The following ZNF211 variants were observed in gnomAD, a reference collection of about 807,000 sequenced individuals.
ZNF211 encodes the protein zinc finger protein 211, also known as zinc finger protein C2H2-25.
A neutral mutation model predicts 12.1 loss-of-function variants in ZNF211; 18 were observed. The ratio of observed to expected loss-of-function variants is 1.48; its 90% CI spans 1.03 to 2.20. ZNF211 has a LOEUF of 2.20. Ranked by LOEUF, ZNF211 falls within the 30% of genes most tolerant of loss-of-function variation. The probability of loss-of-function intolerance (pLI) is 0.00; values close to 1 mark genes in which losing one functional copy is unlikely to be tolerated. For synonymous variants in ZNF211, 249 were observed against 246.0 expected, an observed-to-expected ratio of 1.01 and a Z score of -0.11; for missense variants, 677 against 703.1, an observed-to-expected ratio of 0.96 and a Z score of 0.42.
intron 3 of ZNF211, 52 bp from the exon 4 acceptor site, chr19:57,640,652 T>C (rs3746221): frequency 0.16 from 252,688 of 1,580,550 alleles, 21,183 homozygotes; most frequent in East Asian, 0.3. Flanking sequence ...AATTGCATTG[T>C]CTCCTCCTAA....
chr19:57,634,536 T>A lies in ZNF211; in HGVS notation c.130-93T>A, dbSNP rs900861500. 22 of 1,410,966 alleles carry A rather than the reference T, an allele frequency of 1.6e-5. No homozygotes were observed. In the Admixed American group the frequency reaches 3.5e-4, roughly 23 times the overall value. The allele number at this position is 1,410,966 out of a possible 1,614,324, so 87.4% of individuals were successfully genotyped here. On this transcript the variant is annotated intron_variant, in intron 2 of 3. Transcript: ENST00000240731. ...ACCAAGGTCTGGTGTCTCTTCTGAC[T>A]TGGGGATCTTGGGAGGAGAATGTAT...
At chr19:57,636,196 G>A (rs186871106) in intron 3 of ZNF211, among the ~76,000 whole-genome samples, 5 of 152,080 alleles carry the variant, frequency 3.3e-5, no homozygotes, top group Non-Finnish European at 2.9e-5. Context: ...TGTGGGTTAC[G>A]TTTTTAGTGT....
Position 57,633,419 on chromosome 19 carries a change from C to T in ZNF211, c.73C>T (p.Leu25=), listed in dbSNP as rs1344592326. Residue 25 remains leucine, a synonymous_variant, in exon 1 of 4, where the codon CTG becomes TTG. Transcript: ENST00000240731. ...LRPQTRMATA[L]RDPASVPIAT... ...CCCACAGACTCGGATGGCGACCGCACTGAGGGACCCGGCTTCGGTGAGCGC... is the reference window on the plus strand; with the variant it reads ...CCCACAGACTCGGATGGCGACCGCATTGAGGGACCCGGCTTCGGTGAGCGC... The T allele has an allele frequency of 3.1e-6, 5 of 1,602,104 alleles. No individual in the cohort carries two copies. The Admixed American group carries it at 5.1e-5, about 16-fold the overall frequency.
Position 57,641,994 on chromosome 19 carries a change from A to G in ZNF211, c.1547A>G (p.His516Arg). The part of the protein sequence containing the change: ...KSNLIKHLRV[H>R]TGERPYECSE... The stretch of plus-strand genomic sequence containing the variant: ...AACCTCATTAAACACCTGAGAGTTC[A>G]CACTGGAGAAAGGCCTTATGAGTGC... The change falls in exon 4 of 4, where the codon CAC becomes CGC. Residue 516 changes from histidine (H) to arginine (R), a missense_variant. By Grantham distance (29) the His-to-Arg change is conservative. Transcript: ENST00000240731. 1.2e-6 allele frequency: 2 copies of G among 1,614,234 alleles called. No homozygotes were observed. Among genetic ancestry groups the G allele is most frequent in the Non-Finnish European group, 1.7e-6 (2 of 1,180,038 alleles).
In ZNF211 at chr19:57,643,479, A is replaced by G. The variant is rs570073320; in HGVS notation, c.*1298A>G. 6.6e-5 allele frequency among the ~76,000 whole-genome samples: 10 copies of G among 152,196 alleles called. No homozygotes were observed. Among genetic ancestry groups the G allele is most frequent in the African/African-American group, 9.7e-5 (4 of 41,446 alleles). On this transcript the variant is annotated 3_prime_UTR_variant, in exon 4 of 4. Transcript: ENST00000240731. ...AAGAACATTGCTGCATAGGCCAGGA[A>G]AACAAGCATAGAAAGAAGGGGCGGG...
chr19:57,634,327 G>A, intron 2 of ZNF211: 1 of 472,942 alleles, frequency 2.1e-6, no homozygotes, highest in South Asian at 5.2e-5. Context: ...GTGAGGCTGA[G>A]CTGGTTCAGG....
At chr19:57,636,955 T>G in intron 3 of ZNF211, among the ~76,000 whole-genome samples, 1 of 152,208 alleles carries the variant, frequency 6.6e-6, no homozygotes, top group Non-Finnish European at 1.5e-5. Flanking sequence ...AATGTTTTAT[T>G]CTTTTTGATA....
chr19:57,633,319 C>T lies in ZNF211; in HGVS notation c.-28C>T. 1 of 1,543,620 alleles carries T rather than the reference C, an allele frequency of 6.5e-7. No individual in the cohort carries two copies. Among genetic ancestry groups the T allele is most frequent in the African/African-American group, 1.4e-5 (1 of 73,794 alleles). ...CAGGTCTGAGGGTCGGGGGCAGAGC[C>T]GCCCGCGAGGCCGGCCTGGGGATAG... is the stretch of plus-strand genomic sequence containing the variant. On this transcript the variant is annotated 5_prime_UTR_variant, in exon 1 of 4. Transcript: ENST00000240731.
chr19:57,640,592 T>C, intron 3 of ZNF211, 112 bp from the exon 4 acceptor site: 4 of 1,387,412 alleles, frequency 2.9e-6, no homozygotes, highest in Non-Finnish European at 3.9e-6. Context: ...TCACTTTTCC[T>C]AAAAACAGGC....
At position 57,641,256 on chromosome 19, in the gene ZNF211, T is replaced by C. The variant is rs1238390116; in HGVS notation, c.809T>C (p.Phe270Ser). 9.3e-6 allele frequency: 15 copies of C among 1,614,112 alleles called. No homozygotes were observed. The highest frequency in any genetic ancestry group is 1.3e-5 in the Non-Finnish European group (15 of 1,180,048). The change falls in exon 4 of 4, where the codon TTT (phenylalanine) becomes TCT (serine). Residue 270 changes from phenylalanine (F) to serine (S), a missense_variant. Coordinates refer to ENST00000240731, the MANE Select transcript of ZNF211 (RefSeq NM_006385.5). ...DQRILTREGL[F>S]ECSKCGKACT... ...AGAATCCTCACTAGAGAAGGACTTT[T>C]TGAGTGCAGTAAATGTGGGAAAGCA...
At chr19:57,636,316 G>T (rs1254763589) in intron 3 of ZNF211, among the ~76,000 whole-genome samples, 1 of 152,114 alleles carries the variant, frequency 6.6e-6, no homozygotes, top group Non-Finnish European at 1.5e-5. Flanking sequence ...TCATTAACAA[G>T]TCCAATGTCA....
At chr19:57,636,000 T>C (rs1982084152) in intron 3 of ZNF211, among the ~76,000 whole-genome samples, 1 of 152,242 alleles carries the variant, frequency 6.6e-6, no homozygotes, top group Non-Finnish European at 1.5e-5. Flanking sequence ...ATTCATGTGC[T>C]GATTGGCTAT....
intron 3 of ZNF211, among the ~76,000 whole-genome samples, chr19:57,638,426 A>T (rs1443434065): frequency 6.6e-6 from 1 of 151,990 alleles, no homozygotes; most frequent in Non-Finnish European, 1.5e-5. Context: ...ATAGCTATAA[A>T]TTTCCCCTTT....
rs1276569709 is a variant in ZNF211, at chr19:57,634,712, C to T, written c.213C>T (p.Tyr71=). The change falls in exon 3 of 4, where the codon TAC becomes TAT. Residue 71 remains tyrosine (Y), a synonymous_variant. Coordinates refer to ENST00000240731, the MANE Select transcript of ZNF211 (RefSeq NM_006385.5). Reference sequence around the variant, plus strand: ...TTGATGAGGCTCAGAAACACCTGTACTTCGATGTGATGCTGGAGAACTTTG... The same window carrying T: ...TTGATGAGGCTCAGAAACACCTGTATTTCGATGTGATGCTGGAGAACTTTG... ...DLLDEAQKHL[Y]FDVMLENFAL... The T allele has an allele frequency of 3.1e-6, 5 of 1,607,780 alleles. No individual in the cohort carries two copies. The highest frequency in any genetic ancestry group is 3.4e-6 in the Non-Finnish European group (4 of 1,176,446).
chr19:57,633,171 G>A lies in ZNF211; in HGVS notation c.-176G>A, dbSNP rs1256624770. 6 of 574,198 alleles carry A rather than the reference G, an allele frequency of 1.0e-5. No individual in the cohort carries two copies. Among genetic ancestry groups the A allele is most frequent in the African/African-American group, 7.9e-5 (4 of 50,884 alleles). The allele number at this position is 574,198 out of a possible 1,614,324, so 35.6% of individuals were successfully genotyped here. On this transcript the variant is annotated 5_prime_UTR_variant, in exon 1 of 4. Coordinates refer to ENST00000240731, the MANE Select transcript of ZNF211 (RefSeq NM_006385.5). ...TGGGTCTACCCCCGCCCCCCCCAGG[G>A]CGGGACTTGTGGCGTCTTCGCAGCG...
chr19:57,633,689 A>AGGACGTT (rs1981748567), intron 1 of ZNF211: 1 of 1,534,028 alleles, frequency 6.5e-7, no homozygotes, highest in Admixed American at 2.0e-5. Flanking sequence ...ACAAAGTTTG[A>AGGACGTT]GAGAGATCTA....
In ZNF211 at chr19:57,642,164, A is replaced by G. The variant is rs1983064240; in HGVS notation, c.1717A>G (p.Ile573Val). 2 of 1,607,912 alleles carry G rather than the reference A, an allele frequency of 1.2e-6. No individual in the cohort carries two copies. Among genetic ancestry groups the G allele is most frequent in the Non-Finnish European group, 1.7e-6 (2 of 1,175,866 alleles). Residue 573 changes from isoleucine to valine, a missense_variant, in exon 4 of 4, where the codon ATT (isoleucine) becomes GTT (valine). Transcript: ENST00000240731. ...SVLIQHQRVH[I>V]GEKP ...CCTCATTCAACACCAGAGAGTTCAC[A>G]TTGGAGAAAAGCCTTAGCTGTACTG...
rs1413580691 is a variant in ZNF211 at position 57,643,292 on chromosome 19, G to A, written c.*1111G>A. On this transcript the variant is annotated 3_prime_UTR_variant, in exon 4 of 4. Coordinates refer to ENST00000240731, the MANE Select transcript of ZNF211 (RefSeq NM_006385.5). ...GACTGCAGCAAACTAGATGGAATGT[G>A]CTCCTTGTAATATGTTCTAGTAATT... 1.3e-5 allele frequency among the ~76,000 whole-genome samples: 2 copies of A among 152,000 alleles called. No individual in the cohort carries two copies. Among genetic ancestry groups the A allele is most frequent in the African/African-American group, 4.8e-5 (2 of 41,356 alleles).
rs761708411 is a variant in ZNF211 at position 57,633,331 on chromosome 19, C to T, written c.-16C>T. ...TCGGGGGCAGAGCCGCCCGCGAGGC[C>T]GGCCTGGGGATAGCGATGCTCGGGT... On this transcript the variant is annotated 5_prime_UTR_variant, in exon 1 of 4. Coordinates refer to ENST00000240731, the MANE Select transcript of ZNF211 (RefSeq NM_006385.5). 2 of 1,561,538 alleles carry T rather than the reference C, an allele frequency of 1.3e-6. No individual in the cohort carries two copies. Among genetic ancestry groups the T allele is most frequent in the South Asian group, 1.2e-5 (1 of 84,778 alleles).
Sources: gnomAD v4.1 joint callset for allele counts (sites outside exome capture counted in the v4.1 genomes callset) on GRCh38, gnomAD v4.1.1 for gene constraint, MANE v1.5 for transcripts, NCBI Gene and HGNC (gene_info 2026-07-23, HGNC 2026-07-21) for gene names.